Variants in C3orf62 observed in about 807,000 individuals in gnomAD.
The protein encoded by C3orf62 is uncharacterized protein C3orf62.
C3orf62 carries 16 observed loss-of-function variants against 21.7 expected under a neutral mutation model. The observed-to-expected ratio is 0.74, with a 90% confidence interval of 0.50 to 1.12. The LOEUF (loss-of-function observed/expected upper bound fraction) is 1.12. Ranked by LOEUF, C3orf62 falls within the 50% of genes most tolerant of loss-of-function variation. The pLI is 0.00. For synonymous variants in C3orf62, 114 were observed against 117.0 expected (o/e 0.97, Z 0.17); for missense variants, 310 against 318.8 (o/e 0.97, Z 0.21).
rs754166845 is a variant in C3orf62, at chr3:49,270,803, G to A, written c.*377C>T. On this transcript the variant is annotated 3_prime_UTR_variant, in exon 3 of 3. Transcript: ENST00000343010. Reference sequence around the variant, plus strand: ...CTCCCAAAGTGCTGGGATTACAGACGTGAGCCACTGTGCCTGGCCACTCCT... The same window carrying A: ...CTCCCAAAGTGCTGGGATTACAGACATGAGCCACTGTGCCTGGCCACTCCT... 12 of 174,604 alleles carry A rather than the reference G, an allele frequency of 6.9e-5. No individual in the cohort carries two copies. The highest frequency in any genetic ancestry group is 1.2e-4 in the Admixed American group (2 of 17,222). The allele number at this position is 174,604 out of a possible 1,614,324, so 10.8% of individuals were successfully genotyped here. A position where few individuals can be genotyped will look rare whatever the true frequency, so the allele number is the denominator to read the frequency against.
intron 1 of C3orf62, among the ~76,000 whole-genome samples, chr3:49,275,682 C>T (rs1470008505): frequency 2.6e-5 from 4 of 151,648 alleles, no homozygotes; most frequent in Non-Finnish European, 5.9e-5. Flanking sequence ...AGGCGCCCGC[C>T]ACCACGCCCG....
intron 1 of C3orf62, 44 bp from the exon 2 acceptor site, chr3:49,274,184 TTC>T (rs1249015772): frequency 1.4e-6 from 2 of 1,450,402 alleles, no homozygotes; most frequent in South Asian, 2.3e-5. Context: ...GGGAATTAGA[TTC>T]TCTTTCAAGA....
Position 49,276,738 on chromosome 3 carries a change from C to G in C3orf62, c.135G>C (p.Gln45His). The change falls in exon 1 of 3, where the codon CAG becomes CAC. Residue 45 changes from glutamine to histidine, a missense_variant. Gln to His is a conservative substitution (Grantham distance 24, BLOSUM62 0). Coordinates refer to ENST00000343010, the MANE Select transcript of C3orf62 (RefSeq NM_198562.3). The part of the protein sequence containing the change: ...VSYSQECTGQ[Q>H]RLELSAAPLS... The stretch of plus-strand genomic sequence containing the variant: ...GCGGCGCGGCGCTCAGTTCCAGCCT[C>G]TGCTGGCCTGTGCACTCCTGGGAAT... The G allele has an allele frequency of 1.2e-6, 2 of 1,614,218 alleles. No homozygotes were observed. Among genetic ancestry groups the G allele is most frequent in the South Asian group, 2.2e-5 (2 of 91,084 alleles).
At position 49,270,181 on chromosome 3, in the gene C3orf62, G is replaced by T. The variant is rs2046905145; in HGVS notation, c.*999C>A. On this transcript the variant is annotated 3_prime_UTR_variant, in exon 3 of 3. Coordinates refer to ENST00000343010, the MANE Select transcript of C3orf62 (RefSeq NM_198562.3). The stretch of plus-strand genomic sequence containing the variant: ...TCTCAATTGACTACTCACAGTTACA[G>T]ATCTAACTCCTTGTTCCACTCCTTC... 6.6e-6 allele frequency: 1 copy of T among 152,044 alleles called. No individual in the cohort carries two copies. The highest frequency in any genetic ancestry group is 1.5e-5 in the Non-Finnish European group (1 of 68,014). 9.4% of individuals were successfully genotyped at this position (152,044 alleles called of 1,614,324 possible). A position where few individuals can be genotyped will look rare whatever the true frequency, so the allele number is the denominator to read the frequency against.
chr3:49,275,268 C>G (rs970330342), intron 1 of C3orf62, among the ~76,000 whole-genome samples: 1 of 151,802 alleles, frequency 6.6e-6, no homozygotes, highest in African/African-American at 2.4e-5. Context: ...CGCGCGCCAC[C>G]ACGCTCGGCT....
rs1248534662 is a variant in C3orf62, at chr3:49,275,280, A to T, written c.447-1140T>A. Among the ~76,000 whole-genome samples the T allele has an allele frequency of 2.0e-5, 3 of 150,138 alleles. No homozygotes were observed. The East Asian group carries it at 6.0e-4, about 30-fold the overall frequency. ...AGGCGCGCGCCACCACGCTCGGCTTATGTTTGTATTTTTAGTGGAGACGGG... is the reference window on the plus strand; with the variant it reads ...AGGCGCGCGCCACCACGCTCGGCTTTTGTTTGTATTTTTAGTGGAGACGGG... On this transcript the variant is annotated intron_variant, in intron 1 of 2. Transcript: ENST00000343010.
At chr3:49,272,608 G>A (rs955748606) in intron 2 of C3orf62, among the ~76,000 whole-genome samples, 17 of 137,588 alleles carry the variant, frequency 1.2e-4, no homozygotes, top group Non-Finnish European at 2.6e-4. Flanking sequence ...GCAGTGGTGC[G>A]ATCTCGGCTC....
At chr3:49,273,501 T>C (rs979738951) in intron 2 of C3orf62, among the ~76,000 whole-genome samples, 1 of 152,030 alleles carries the variant, frequency 6.6e-6, no homozygotes, top group Non-Finnish European at 1.5e-5. Flanking sequence ...AGTACAGTGG[T>C]ATGATCATAG....
chr3:49,276,556 G>A lies in C3orf62; in HGVS notation c.317C>T (p.Ala106Val), dbSNP rs747113998. The A allele has an allele frequency of 1.2e-6, 2 of 1,614,224 alleles. No individual in the cohort carries two copies. The highest frequency in any genetic ancestry group is 1.7e-6 in the Non-Finnish European group (2 of 1,180,050). Residue 106 changes from alanine to valine, a missense_variant, in exon 1 of 3, where the codon GCT becomes GTT. Ala to Val is a moderately conservative substitution (Grantham distance 64, BLOSUM62 0). Coordinates refer to ENST00000343010, the MANE Select transcript of C3orf62 (RefSeq NM_198562.3). ...TAGAGGTTTTCTCTCGGGGCACAGA[G>A]CATGTGGTTTTGCATTTACCGGGGC... is the stretch of plus-strand genomic sequence containing the variant. Reference protein sequence around the residue: ...NHAPVNAKPHALCPERKPLTS... With the variant: ...NHAPVNAKPHVLCPERKPLTS...
At chr3:49,275,964 G>A (rs892004763) in intron 1 of C3orf62, among the ~76,000 whole-genome samples, 33 of 152,042 alleles carry the variant, frequency 2.2e-4, no homozygotes, top group Non-Finnish European at 4.6e-4. Context: ...GTAAGAGCGG[G>A]GAGCAGAGGC....
At chr3:49,275,482 C>G (rs775815214) in intron 1 of C3orf62, among the ~76,000 whole-genome samples, 1 of 148,074 alleles carries the variant, frequency 6.8e-6, no homozygotes, top group African/African-American at 2.5e-5. Context: ...CTCTTTATCC[C>G]CTTCCTATGA....
chr3:49,269,675 C>T lies in C3orf62; in HGVS notation c.*1505G>A, dbSNP rs1204300078. The T allele has an allele frequency of 6.6e-6, 1 of 152,286 alleles. No homozygotes were observed. Among genetic ancestry groups the T allele is most frequent in the African/African-American group, 2.4e-5 (1 of 41,460 alleles). The allele number at this position is 152,286 out of a possible 1,614,324, so 9.4% of individuals were successfully genotyped here. ...CCTGTAGTTAGCCTTAACCTCAACT[C>T]CTGCCCCAGGCAGGGCAGTGGCAGT... On this transcript the variant is annotated 3_prime_UTR_variant, in exon 3 of 3. Transcript: ENST00000343010.
rs2046964455 is a variant in C3orf62 at position 49,276,753 on chromosome 3, C to T, written c.120G>A (p.Glu40=). Reference sequence around the variant, plus strand: ...GTTCCAGCCTCTGCTGGCCTGTGCACTCCTGGGAATAACTAACTCCTTCAA... The same window carrying T: ...GTTCCAGCCTCTGCTGGCCTGTGCATTCCTGGGAATAACTAACTCCTTCAA... ...RAFEGVSYSQ[E]CTGQQRLELS... Residue 40 remains glutamate, a synonymous_variant, in exon 1 of 3, where the codon GAG becomes GAA. Transcript: ENST00000343010. 1 of 1,614,242 alleles carries T rather than the reference C, an allele frequency of 6.2e-7. No homozygotes were observed. Among genetic ancestry groups the T allele is most frequent in the East Asian group, 2.2e-5 (1 of 44,884 alleles).
Position 49,272,096 on chromosome 3 carries a change from C to T in C3orf62, c.539-651G>A, listed in dbSNP as rs567496028. ...TTGTGGCCCAGGGGGTGTACCCTAC[C>T]CTCACCAGGCCTCCCTTTCCTCCCT... On this transcript the variant is annotated intron_variant, in intron 2 of 2. Coordinates refer to ENST00000343010, the MANE Select transcript of C3orf62 (RefSeq NM_198562.3). Among the ~76,000 whole-genome samples, 101 of 152,172 alleles carry T rather than the reference C, an allele frequency of 6.6e-4. No homozygotes were observed. The Middle Eastern group carries it at 0.017, about 26-fold the overall frequency.
intron 2 of C3orf62, among the ~76,000 whole-genome samples, chr3:49,272,095 C>T (rs1047587679): frequency 6.6e-6 from 1 of 152,088 alleles, no homozygotes; most frequent in African/African-American, 2.4e-5. Flanking sequence ...GTGTACCCTA[C>T]CCTCACCAGG....
chr3:49,274,129 T>C lies in C3orf62; in HGVS notation c.458A>G (p.Glu153Gly), dbSNP rs998208482. The C allele has an allele frequency of 6.2e-7, 1 of 1,613,562 alleles. No individual in the cohort carries two copies. Among genetic ancestry groups the C allele is most frequent in the African/African-American group, 1.3e-5 (1 of 75,034 alleles). The change falls in exon 2 of 3, where the codon GAG becomes GGG. Residue 153 changes from glutamate to glycine, a missense_variant. Glu to Gly is a moderately conservative substitution (Grantham distance 98). Transcript: ENST00000343010. ...GTTTGAGTCAGCCTTCAAATCTCTCTCCATATCTTTCCTGCAGCCCCCAGG... is the reference window on the plus strand; with the variant it reads ...GTTTGAGTCAGCCTTCAAATCTCTCCCCATATCTTTCCTGCAGCCCCCAGG... ...WRKENLRKDM[E>G]RDLKADSNMP...
Position 49,272,534 on chromosome 3 carries a change from CTTTTTTTTTTTTTT to C in C3orf62, c.539-1103_539-1090del, listed in dbSNP as rs746086446. Reference sequence around the variant, plus strand: ...TTTGACTTCTAATTTTTCTCCTAATCTTTTTTTTTTTTTTTTTTTTTTTTTTTTGAGACAGAGTC... The same window carrying C: ...TTTGACTTCTAATTTTTCTCCTAATCTTTTTTTTTTTTTTGAGACAGAGTC... On this transcript the variant is annotated intron_variant, in intron 2 of 2. Transcript: ENST00000343010. Among the ~76,000 whole-genome samples, 5 of 51,810 alleles carry C rather than the reference CTTTTTTTTTTTTTT, an allele frequency of 9.7e-5. No individual in the cohort carries two copies. The East Asian group carries it at 1.9e-3, about 20-fold the overall frequency. 34.0% of individuals were successfully genotyped at this position (51,810 alleles called of 152,430 possible).
intron 2 of C3orf62, among the ~76,000 whole-genome samples, chr3:49,273,099 G>T (rs1424277961): frequency 6.6e-6 from 1 of 152,180 alleles, no homozygotes; most frequent in Non-Finnish European, 1.5e-5. Flanking sequence ...AATCAATGCA[G>T]AGTCTGAGCA....
At chr3:49,275,274 C>T (rs1467471084) in intron 1 of C3orf62, among the ~76,000 whole-genome samples, 6 of 151,660 alleles carry the variant, frequency 4.0e-5, no homozygotes, top group Non-Finnish European at 8.8e-5. Flanking sequence ...CCACCACGCT[C>T]GGCTTATGTT....
Sources: allele counts gnomAD v4.1 joint callset (sites outside exome capture counted in the v4.1 genomes callset), GRCh38; gene constraint gnomAD v4.1.1; transcripts MANE v1.5; gene names NCBI Gene and HGNC (gene_info 2026-07-23, HGNC 2026-07-21).